The following ARHGAP42 variants were observed in gnomAD, a reference collection of about 807,000 sequenced individuals.
The protein encoded by ARHGAP42 is Rho GTPase activating protein 42.
Under a neutral mutation model 125.0 loss-of-function variants are expected in ARHGAP42, and 63 were observed. The ratio of observed to expected loss-of-function variants is 0.50; its 90% CI spans 0.41 to 0.62. The LOEUF (loss-of-function observed/expected upper bound fraction) is 0.62. ARHGAP42 is among the 20% of genes least tolerant of loss of function. The pLI is 0.00. For synonymous variants in ARHGAP42, 339 were observed against 351.0 expected (o/e 0.97, Z 0.38); for missense variants, 766 against 1,024.2 (o/e 0.75, Z 3.44).
At chr11:100,740,908 G>C (rs1253156553) in intron 1 of ARHGAP42, among the ~76,000 whole-genome samples, 5 of 152,244 alleles carry the variant, frequency 3.3e-5, no homozygotes, top group Non-Finnish European at 7.3e-5. Context: ...AGTTATTCCT[G>C]GAGAGGGGAC....
intron 4 of ARHGAP42, among the ~76,000 whole-genome samples, chr11:100,892,788 G>T (rs990026685): frequency 3.9e-5 from 6 of 152,116 alleles, no homozygotes; most frequent in African/African-American, 1.4e-4. Context: ...GAGCTCTCAG[G>T]AAGAAGACCC....
chr11:100,959,860 T>C, intron 12 of ARHGAP42, 23 bp from the exon 13 acceptor site: 1 of 1,549,772 alleles, frequency 6.5e-7, no homozygotes, highest in African/African-American at 1.4e-5. Context: ...AAACACCTAA[T>C]GCGATTTCTC....
intron 3 of ARHGAP42, among the ~76,000 whole-genome samples, chr11:100,795,387 A>G (rs1315994026): frequency 6.6e-6 from 1 of 152,164 alleles, no homozygotes; most frequent in Non-Finnish European, 1.5e-5. Flanking sequence ...TATGTAGGTT[A>G]GCTTTATTTT....
rs187615365 is a variant in ARHGAP42, at chr11:100,972,691, C to A, written c.1551-484C>A. On this transcript the variant is annotated intron_variant, in intron 17 of 23. Coordinates refer to ENST00000298815, the MANE Select transcript of ARHGAP42 (RefSeq NM_152432.4). ...TGTTGTGACCTCAAAATACACGTTT[C>A]TTTAGGAGCCTCTGAGGTTTTTAAA... is the stretch of plus-strand genomic sequence containing the variant. 8.0e-4 allele frequency among the ~76,000 whole-genome samples: 122 copies of A among 152,312 alleles called. 1 individual carries two copies. Among genetic ancestry groups the A allele is most frequent in the African/African-American group, 2.7e-3 (113 of 41,584 alleles).
At chr11:100,821,290 A>C (rs1168629494) in intron 3 of ARHGAP42, among the ~76,000 whole-genome samples, 1 of 152,102 alleles carries the variant, frequency 6.6e-6, no homozygotes, top group Admixed American at 6.6e-5. Context: ...TGGGAGGAGC[A>C]TTCTCAGCCA....
At chr11:100,983,482 A>G (rs776510394) in intron 22 of ARHGAP42, among the ~76,000 whole-genome samples, 1 of 152,090 alleles carries the variant, frequency 6.6e-6, no homozygotes, top group African/African-American at 2.4e-5. Context: ...CCTTTTGAAA[A>G]CTACTCCTCT....
intron 1 of ARHGAP42, among the ~76,000 whole-genome samples, chr11:100,743,006 G>A (rs1436055944): frequency 6.6e-6 from 1 of 152,136 alleles, no homozygotes; most frequent in Non-Finnish European, 1.5e-5. Flanking sequence ...TTTTTGGTGT[G>A]TGATTTATAT....
At chr11:100,877,592 T>C (rs1181733868) in intron 4 of ARHGAP42, among the ~76,000 whole-genome samples, 4 of 152,222 alleles carry the variant, frequency 2.6e-5, no homozygotes, top group African/African-American at 9.6e-5. Flanking sequence ...TTCCAGAGAT[T>C]CAGTTGTTTC....
At chr11:100,968,627 GTACATTTATAGAGTTTGA>G (rs1565299679) in intron 17 of ARHGAP42, among the ~76,000 whole-genome samples, 1 of 152,096 alleles carries the variant, frequency 6.6e-6, no homozygotes, top group Non-Finnish European at 1.5e-5. Context: ...AAAGGAGTAA[GTACATTTATAGAGTTTGA>G]TACATTTATT....
At chr11:100,742,128 CCAT>C (rs1474399482) in intron 1 of ARHGAP42, among the ~76,000 whole-genome samples, 2 of 152,166 alleles carry the variant, frequency 1.3e-5, no homozygotes, top group African/African-American at 2.4e-5. Context: ...TCAAATACTG[CCAT>C]CATTCTGATC....
At chr11:100,811,849 G>A (rs1467541995) in intron 3 of ARHGAP42, among the ~76,000 whole-genome samples, 1 of 152,176 alleles carries the variant, frequency 6.6e-6, no homozygotes, top group African/African-American at 2.4e-5. Flanking sequence ...TTGCTGAACA[G>A]TGTCAATGAT....
At chr11:100,831,704 C>A (rs1864667105) in intron 3 of ARHGAP42, among the ~76,000 whole-genome samples, 1 of 152,152 alleles carries the variant, frequency 6.6e-6, no homozygotes, top group Admixed American at 6.5e-5. Context: ...AGATAGGTTT[C>A]TACTTTTTCT....
At chr11:100,689,765 T>G (rs1017581825) in intron 1 of ARHGAP42, among the ~76,000 whole-genome samples, 18 of 152,238 alleles carry the variant, frequency 1.2e-4, no homozygotes, top group Admixed American at 1.1e-3. Flanking sequence ...TGATTATTAC[T>G]TCTTTCATTG....
chr11:100,979,241 A>G (rs1378316118), intron 22 of ARHGAP42, among the ~76,000 whole-genome samples, 192 bp downstream of exon 22: 3 of 152,180 alleles, frequency 2.0e-5, no homozygotes, highest in Admixed American at 1.3e-4. Context: ...GTGATGTCTC[A>G]TTTGCTGAAA....
intron 4 of ARHGAP42, among the ~76,000 whole-genome samples, chr11:100,861,566 A>G (rs995201386): frequency 2.0e-5 from 3 of 152,174 alleles, no homozygotes; most frequent in African/African-American, 7.2e-5. Flanking sequence ...AAGGAGATGT[A>G]TGAAAGCTAT....
chr11:100,689,155 C>T (rs1344365412), intron 1 of ARHGAP42, among the ~76,000 whole-genome samples: 3 of 152,136 alleles, frequency 2.0e-5, no homozygotes, highest in Non-Finnish European at 2.9e-5. Context: ...ATATTTTATG[C>T]CCATATTCAC....
At chr11:100,824,505 CTG>C (rs1864470252) in intron 3 of ARHGAP42, among the ~76,000 whole-genome samples, 1 of 152,124 alleles carries the variant, frequency 6.6e-6, no homozygotes, top group Admixed American at 6.5e-5. Flanking sequence ...AGCTTCTACA[CTG>C]GAGTCCCGAA....
At chr11:100,735,766 G>A (rs988111998) in intron 1 of ARHGAP42, among the ~76,000 whole-genome samples, 1 of 151,816 alleles carries the variant, frequency 6.6e-6, no homozygotes, top group South Asian at 2.1e-4. Flanking sequence ...CCGCCACCAC[G>A]CCCAGCTAAT....
chr11:100,988,671 A>G (rs1363978976), intron 23 of ARHGAP42, 42 bp from the exon 24 acceptor site: 24 of 1,455,830 alleles, frequency 1.6e-5, no homozygotes, highest in South Asian at 2.5e-5. Flanking sequence ...ATTATTTGAC[A>G]CTAATGTTGA....
Sources: allele counts gnomAD v4.1 joint callset (sites outside exome capture counted in the v4.1 genomes callset), GRCh38; gene constraint gnomAD v4.1.1; transcripts MANE v1.5; gene names NCBI Gene and HGNC (gene_info 2026-07-23, HGNC 2026-07-21).